The following CENPL variants were observed in gnomAD, a reference collection of about 807,000 sequenced individuals.
CENPL encodes interphase centromere complex protein 33.
CENPL carries 20 observed loss-of-function variants against 35.2 expected under a neutral mutation model. That is an observed-to-expected ratio of 0.57 (90% confidence interval 0.40 to 0.83). CENPL has a LOEUF of 0.83. Ranked by LOEUF, CENPL falls within the 40% of genes least tolerant of loss-of-function variation. The pLI, the probability that CENPL is intolerant of heterozygous loss-of-function variation, is 0.00. For missense variants in CENPL, 363 were observed against 395.8 expected, an observed-to-expected ratio of 0.92 and a Z score of 0.70; for synonymous variants, 140 against 140.6, an observed-to-expected ratio of 1.00 and a Z score of 0.03.
chr1:173,803,170 A>T lies in CENPL; in HGVS notation c.756T>A (p.Ile252=). Residue 252 remains isoleucine (I), a synonymous_variant, in exon 5 of 6, where the codon ATT becomes ATA. Coordinates refer to ENST00000682279, the MANE Select transcript of CENPL (RefSeq NM_001387287.1). The stretch of plus-strand genomic sequence containing the variant: ...CATCCTCTGGATGTATTGCGAAAGA[A>T]ATGTCCAGACTTTGAGGGCTACAGG... ...SVPCSPQSLD[I]SFAIHPEDAK... 1 of 1,613,954 alleles carries T rather than the reference A, an allele frequency of 6.2e-7. No individual in the cohort carries two copies. Among genetic ancestry groups the T allele is most frequent in the Non-Finnish European group, 8.5e-7 (1 of 1,179,792 alleles).
At chr1:173,806,759 G>A (rs936992652) in intron 4 of CENPL, among the ~76,000 whole-genome samples, 1 of 151,982 alleles carries the variant, frequency 6.6e-6, no homozygotes, top group African/African-American at 2.4e-5. Flanking sequence ...CTAGGCTCAG[G>A]TGATCTGCCC....
intron 2 of CENPL, among the ~76,000 whole-genome samples, chr1:173,821,030 T>A (rs1009029899): frequency 1.3e-5 from 2 of 152,210 alleles, no homozygotes; most frequent in African/African-American, 4.8e-5. Context: ...TTCTAAAGCA[T>A]CCTAGCTTTA....
intron 3 of CENPL, among the ~76,000 whole-genome samples, chr1:173,809,045 A>C (rs930015150): frequency 6.6e-6 from 1 of 152,160 alleles, no homozygotes; most frequent in African/African-American, 2.4e-5. Context: ...ATTTACAAGA[A>C]AAAAAATGGG....
chr1:173,812,420 C>T (rs965078517), intron 2 of CENPL, among the ~76,000 whole-genome samples: 3 of 152,182 alleles, frequency 2.0e-5, no homozygotes, highest in Non-Finnish European at 2.9e-5. Context: ...CCAGTAGGGG[C>T]CGACTGACAC....
intron 4 of CENPL, among the ~76,000 whole-genome samples, chr1:173,805,959 T>C (rs949552042): frequency 1.4e-4 from 22 of 152,158 alleles, no homozygotes; most frequent in African/African-American, 4.3e-4. Flanking sequence ...ATATCAGGGG[T>C]CAGCAAATTT....
At chr1:173,807,644 G>A (rs1650357733) in intron 3 of CENPL, 126 bp from the exon 4 acceptor site, 1 of 686,316 alleles carries the variant, frequency 1.5e-6, no homozygotes, top group East Asian at 2.8e-5. Context: ...CCAACCAAAT[G>A]AGTTTGCAGG....
chr1:173,824,339 C>G lies in CENPL; in HGVS notation c.-229G>C, dbSNP rs957973413. 6.6e-6 allele frequency: 1 copy of G among 152,348 alleles called. No homozygotes were observed. The highest frequency in any genetic ancestry group is 1.5e-5 in the Non-Finnish European group (1 of 68,130). 9.4% of individuals were successfully genotyped at this position (152,348 alleles called of 1,614,324 possible). A position where few individuals can be genotyped will look rare whatever the true frequency, so the allele number is the denominator to read the frequency against. On this transcript the variant is annotated 5_prime_UTR_variant, in exon 1 of 6. Coordinates refer to ENST00000682279, the MANE Select transcript of CENPL (RefSeq NM_001387287.1). The stretch of plus-strand genomic sequence containing the variant: ...TCAGAGACCAGCCCAGCTCTGAAAT[C>G]AAGCCGTTGAGAAAAGGGAATTCGG...
At chr1:173,819,079 A>G (rs1463988807) in intron 2 of CENPL, among the ~76,000 whole-genome samples, 2 of 151,990 alleles carry the variant, frequency 1.3e-5, no homozygotes, top group African/African-American at 4.8e-5. Flanking sequence ...TACAAAAAAT[A>G]AAAAATAACT....
chr1:173,816,867 C>T (rs766092257), intron 2 of CENPL, among the ~76,000 whole-genome samples: 10 of 152,184 alleles, frequency 6.6e-5, no homozygotes, highest in Non-Finnish European at 1.3e-4. Context: ...AGGCCGGGCG[C>T]AGTGGCTCAC....
chr1:173,805,974 T>G (rs2102571204), intron 4 of CENPL, among the ~76,000 whole-genome samples: 1 of 152,344 alleles, frequency 6.6e-6, no homozygotes, highest in East Asian at 1.9e-4. Flanking sequence ...AAATTTTTTC[T>G]GTAAAGGGCC....
At chr1:173,818,946 A>C (rs959813364) in intron 2 of CENPL, among the ~76,000 whole-genome samples, 1 of 152,244 alleles carries the variant, frequency 6.6e-6, no homozygotes, top group Admixed American at 6.5e-5. Flanking sequence ...TAGAACTTCC[A>C]AATTAGGGCC....
intron 2 of CENPL, among the ~76,000 whole-genome samples, chr1:173,820,299 C>G (rs894123823): frequency 6.6e-6 from 1 of 151,550 alleles, no homozygotes; most frequent in Non-Finnish European, 1.5e-5. Context: ...ATATCTTGCA[C>G]AAAACTCCAC....
At chr1:173,817,521 A>T (rs887682721) in intron 2 of CENPL, among the ~76,000 whole-genome samples, 4 of 152,220 alleles carry the variant, frequency 2.6e-5, no homozygotes, top group African/African-American at 7.2e-5. Flanking sequence ...GCTGGAGAGG[A>T]TGTGGAGAAA....
chr1:173,800,558 T>C (rs766002521), intron 5 of CENPL, 39 bp from the exon 6 acceptor site: 2 of 788,216 alleles, frequency 2.5e-6, no homozygotes, highest in Non-Finnish European at 2.2e-6. Flanking sequence ...AAAATTAGAA[T>C]AGTATTAATT....
In CENPL at chr1:173,823,954, C is replaced by G. The variant is rs1249846365; in HGVS notation, c.-36G>C. 6.6e-6 allele frequency: 1 copy of G among 152,044 alleles called. No homozygotes were observed. The highest frequency in any genetic ancestry group is 1.5e-5 in the Non-Finnish European group (1 of 68,022). The allele number at this position is 152,044 out of a possible 1,614,324, so 9.4% of individuals were successfully genotyped here. A position where few individuals can be genotyped will look rare whatever the true frequency, so the allele number is the denominator to read the frequency against. Reference sequence around the variant, plus strand: ...TAAAATGCCGTGATGACGCTGTCACCCATTCCGGATTCACGAATCATTCTT... The same window carrying G: ...TAAAATGCCGTGATGACGCTGTCACGCATTCCGGATTCACGAATCATTCTT... On this transcript the variant is annotated 5_prime_UTR_variant, in exon 2 of 6. Coordinates refer to ENST00000682279, the MANE Select transcript of CENPL (RefSeq NM_001387287.1).
rs1363508108 is a variant in CENPL at position 173,803,433 on chromosome 1, C to T, written c.493G>A (p.Val165Ile). 5.0e-6 allele frequency: 8 copies of T among 1,613,986 alleles called. No individual in the cohort carries two copies. The East Asian group carries it at 1.3e-4, about 27-fold the overall frequency. Reference sequence around the variant, plus strand: ...GTCTCCAGAAGACTGTCTCCAAATACACAGCAGAACCAGCCAGTCCACAGC... The same window carrying T: ...GTCTCCAGAAGACTGTCTCCAAATATACAGCAGAACCAGCCAGTCCACAGC... ...KVLWTGWFCCVFGDSLLETVS... is the reference protein window; with the variant it reads ...KVLWTGWFCCIFGDSLLETVS... The change falls in exon 5 of 6, where the codon GTA becomes ATA. Residue 165 changes from valine (V) to isoleucine (I), a missense_variant. Val to Ile is a conservative substitution (Grantham distance 29). Transcript: ENST00000682279.
intron 2 of CENPL, among the ~76,000 whole-genome samples, chr1:173,819,764 T>C (rs963538647): frequency 1.3e-5 from 2 of 152,138 alleles, no homozygotes; most frequent in African/African-American, 4.8e-5. Context: ...CGATCTCGGC[T>C]CACTGCAACC....
chr1:173,808,232 C>T (rs553675919), intron 3 of CENPL, among the ~76,000 whole-genome samples: 1 of 151,904 alleles, frequency 6.6e-6, no homozygotes, highest in South Asian at 2.1e-4. Flanking sequence ...ATGGTAAAAC[C>T]CCATCTCTAC....
intron 2 of CENPL, among the ~76,000 whole-genome samples, chr1:173,814,580 A>T (rs1448956663): frequency 2.0e-5 from 3 of 152,230 alleles, no homozygotes; most frequent in African/African-American, 7.2e-5. Context: ...CTCCTGAATG[A>T]CTACTGGTTA....
Sources: gnomAD v4.1 joint callset for allele counts (sites outside exome capture counted in the v4.1 genomes callset) on GRCh38, gnomAD v4.1.1 for gene constraint, MANE v1.5 for transcripts, NCBI Gene and HGNC (gene_info 2026-07-23, HGNC 2026-07-21) for gene names.